The following CCDC93 variants were observed in gnomAD, a reference collection of about 807,000 sequenced individuals.
CCDC93 encodes the protein coiled-coil domain-containing protein 93.
Under a neutral mutation model 108.2 loss-of-function variants are expected in CCDC93, and 61 were observed. That is an observed-to-expected ratio of 0.56 (90% CI 0.46 to 0.70). The LOEUF (loss-of-function observed/expected upper bound fraction) is 0.70. Among genes scored for constraint, CCDC93 ranks in the 30% least tolerant of loss-of-function variants. The pLI, the probability that CCDC93 is intolerant of heterozygous loss-of-function variation, is 0.00. For synonymous variants in CCDC93, 276 were observed against 260.4 expected (o/e 1.06, Z -0.58); for missense variants, 685 against 764.2 (o/e 0.90, Z 1.22).
chr2:117,967,305 T>A (rs1383431158), intron 11 of CCDC93, among the ~76,000 whole-genome samples: 1 of 152,214 alleles, frequency 6.6e-6, no homozygotes, highest in Non-Finnish European at 1.5e-5. Context: ...ATATTACCCT[T>A]TAAAGGACTG....
In CCDC93 at chr2:117,918,211, T is replaced by C. The variant is rs1010957020; in HGVS notation, c.*2132A>G. The C allele has an allele frequency of 2.6e-5, 4 of 152,176 alleles. No individual in the cohort carries two copies. Among genetic ancestry groups the C allele is most frequent in the African/African-American group, 9.7e-5 (4 of 41,438 alleles). 9.4% of individuals were successfully genotyped at this position (152,176 alleles called of 1,614,324 possible). A position where few individuals can be genotyped will look rare whatever the true frequency, so the allele number is the denominator to read the frequency against. On this transcript the variant is annotated 3_prime_UTR_variant, in exon 24 of 24. Transcript: ENST00000376300. ...GAAAGGCACTGTCCACACTGAGAGT[T>C]GTCTGCAGCAAGTGTGAAATTTGAG...
At chr2:117,980,622 G>A (rs546791194) in intron 7 of CCDC93, among the ~76,000 whole-genome samples, 143 of 152,246 alleles carry the variant, frequency 9.4e-4, no homozygotes, top group African/African-American at 3.2e-3. Context: ...TGAGTAATCC[G>A]CTAAGCCTTT....
chr2:117,944,249 G>A (rs1229695789), intron 17 of CCDC93, among the ~76,000 whole-genome samples, 163 bp from the exon 18 acceptor site: 1 of 152,154 alleles, frequency 6.6e-6, no homozygotes, highest in Non-Finnish European at 1.5e-5. Context: ...TGTCTCATAT[G>A]AGACCCTTGA....
rs558772094 is a variant in CCDC93 at position 117,933,166 on chromosome 2, A to G, written c.1729-2016T>C. Among the ~76,000 whole-genome samples the G allele has an allele frequency of 2.2e-3, 341 of 152,340 alleles. 2 individuals carry two copies. Among genetic ancestry groups the G allele is most frequent in the Non-Finnish European group, 3.5e-3 (240 of 68,030 alleles). On this transcript the variant is annotated intron_variant, in intron 22 of 23. Transcript: ENST00000376300. Reference sequence around the variant, plus strand: ...GCTACGTCCTTTAGCTAAAATAAGAATATCACCTAGATAACCAGTTTTGTT... The same window carrying G: ...GCTACGTCCTTTAGCTAAAATAAGAGTATCACCTAGATAACCAGTTTTGTT...
At chr2:117,986,143 G>C (rs894071639) in intron 6 of CCDC93, 74 bp from the exon 7 acceptor site, 1 of 677,532 alleles carries the variant, frequency 1.5e-6, no homozygotes, top group Non-Finnish European at 2.6e-6. Context: ...GATGCCTCCA[G>C]CCATGGGGTA....
At chr2:117,966,474 G>A (rs1480047161) in intron 11 of CCDC93, among the ~76,000 whole-genome samples, 6 of 152,228 alleles carry the variant, frequency 3.9e-5, no homozygotes, top group Admixed American at 3.9e-4. Flanking sequence ...GCTCCCTTTT[G>A]CTTATAGCAA....
intron 6 of CCDC93, among the ~76,000 whole-genome samples, chr2:117,994,356 T>G (rs996600193): frequency 1.3e-5 from 2 of 152,170 alleles, no homozygotes; most frequent in Non-Finnish European, 2.9e-5. Flanking sequence ...CCACCAAATC[T>G]GAAAACAGTA....
intron 12 of CCDC93, among the ~76,000 whole-genome samples, chr2:117,954,841 A>G (rs1679167076): frequency 6.6e-6 from 1 of 152,186 alleles, no homozygotes. Flanking sequence ...TTCTCGTGAT[A>G]GTGAGTTCTC....
At chr2:117,980,967 T>TGGG (rs1680100265) in intron 7 of CCDC93, among the ~76,000 whole-genome samples, 1 of 152,216 alleles carries the variant, frequency 6.6e-6, no homozygotes, top group Non-Finnish European at 1.5e-5. Flanking sequence ...CCTTTGTGTC[T>TGGG]GGCTTCTTTG....
At chr2:117,949,821 T>C (rs1344156236) in intron 13 of CCDC93, 2 of 985,148 alleles carry the variant, frequency 2.0e-6, no homozygotes, top group African/African-American at 1.7e-5. Context: ...ACTATTACAT[T>C]AGAACACAAG....
intron 11 of CCDC93, among the ~76,000 whole-genome samples, chr2:117,971,619 A>G (rs1679765667): frequency 6.6e-6 from 1 of 152,202 alleles, no homozygotes; most frequent in African/African-American, 2.4e-5. Context: ...TAAAGCAGAT[A>G]CTAGGGCAAA....
chr2:117,958,501 C>T lies in CCDC93; in HGVS notation c.889-20G>A, dbSNP rs1350330421. 7.2e-7 allele frequency: 1 copy of T among 1,385,612 alleles called. No homozygotes were observed. Among genetic ancestry groups the T allele is most frequent in the Non-Finnish European group, 1.0e-6 (1 of 971,626 alleles). 85.8% of individuals were successfully genotyped at this position (1,385,612 alleles called of 1,614,324 possible). A position where few individuals can be genotyped will look rare whatever the true frequency, so the allele number is the denominator to read the frequency against. On this transcript the variant is annotated intron_variant, in intron 11 of 23. Transcript: ENST00000376300. ...AGACTGCTGTGGAAAAAAGGGATGG[C>T]AAATCCAAAGGATTTAGTTAGTTGA...
Position 117,918,691 on chromosome 2 carries a change from T to G in CCDC93, c.*1652A>C, listed in dbSNP as rs1340453701. On this transcript the variant is annotated 3_prime_UTR_variant, in exon 24 of 24. Transcript: ENST00000376300. ...CCTGCCCTCAGAGTGCCACCTGTTC[T>G]TTTGCAATTACTTGCTTCAACTTAG... The G allele has an allele frequency of 6.6e-6, 1 of 152,276 alleles. No homozygotes were observed. The highest frequency in any genetic ancestry group is 2.4e-5 in the African/African-American group (1 of 41,476). The allele number at this position is 152,276 out of a possible 1,614,324, so 9.4% of individuals were successfully genotyped here. A position where few individuals can be genotyped will look rare whatever the true frequency, so the allele number is the denominator to read the frequency against.
At chr2:117,960,611 A>G (rs528178241) in intron 11 of CCDC93, among the ~76,000 whole-genome samples, 2 of 152,346 alleles carry the variant, frequency 1.3e-5, no homozygotes, top group East Asian at 3.9e-4. Flanking sequence ...TATGACCTTC[A>G]GACTTCACTT....
At chr2:117,975,715 G>A (rs1679923105) in intron 8 of CCDC93, among the ~76,000 whole-genome samples, 1 of 152,216 alleles carries the variant, frequency 6.6e-6, no homozygotes, top group African/African-American at 2.4e-5. Flanking sequence ...ATGCCAGAGT[G>A]CTTTGTAGTG....
At chr2:117,920,474 C>G in intron 23 of CCDC93, 78 bp from the exon 24 acceptor site, 1 of 974,442 alleles carries the variant, frequency 1.0e-6, no homozygotes, top group Non-Finnish European at 1.6e-6. Flanking sequence ...TCTCAAAGCC[C>G]TTCCCATATC....
intron 11 of CCDC93, among the ~76,000 whole-genome samples, chr2:117,970,937 C>T (rs1679740388): frequency 6.6e-6 from 1 of 152,182 alleles, no homozygotes; most frequent in Non-Finnish European, 1.5e-5. Flanking sequence ...GAAAACCTCT[C>T]AGCAGAAACT....
intron 3 of CCDC93, among the ~76,000 whole-genome samples, chr2:118,002,595 G>T (rs993917889): frequency 6.6e-6 from 1 of 152,278 alleles, no homozygotes; most frequent in East Asian, 1.9e-4. Context: ...AATATGGAAG[G>T]GGGGAGATTA....
At chr2:117,959,326 TG>T (rs1679316722) in intron 11 of CCDC93, among the ~76,000 whole-genome samples, 1 of 152,236 alleles carries the variant, frequency 6.6e-6, no homozygotes. Context: ...ACTTCTTGGA[TG>T]ATTATAGTTT....
Sources: gnomAD v4.1 joint callset for allele counts (sites outside exome capture counted in the v4.1 genomes callset) on GRCh38, gnomAD v4.1.1 for gene constraint, MANE v1.5 for transcripts, NCBI Gene and HGNC (gene_info 2026-07-23, HGNC 2026-07-21) for gene names.